The following SCNN1D variants were observed in gnomAD, a reference collection of about 807,000 sequenced individuals.
SCNN1D encodes sodium channel epithelial 1 subunit delta, also known as epithelial sodium channel subunit delta.
In SCNN1D, 104 loss-of-function variants were observed where a neutral mutation model predicts 87.8. That is an observed-to-expected ratio of 1.18 (90% CI 1.01 to 1.39). The LOEUF (loss-of-function observed/expected upper bound fraction) is 1.39. SCNN1D is among the 40% of genes most tolerant of loss of function. The pLI is 0.00. For missense variants in SCNN1D, 1,324 were observed against 1,093.9 expected, an observed-to-expected ratio of 1.21 and a Z score of -2.97; for synonymous variants, 628 against 481.2, an observed-to-expected ratio of 1.31 and a Z score of -3.99.
intron 9 of SCNN1D, 72 bp downstream of exon 9, chr1:1,287,371 C>T: frequency 6.7e-7 from 1 of 1,495,810 alleles, no homozygotes. Context: ...TGGGGTCCCT[C>T]TGGCTGTATG....
intron 12 of SCNN1D, 23 bp downstream of exon 12, chr1:1,288,060 T>A: frequency 1.0e-6 from 1 of 976,198 alleles, no homozygotes; most frequent in Non-Finnish European, 1.3e-6. Flanking sequence ...TGGCAGGGGG[T>A]GCGGGGGCAG....
chr1:1,287,443 C>T (rs912125438), intron 9 of SCNN1D, 65 bp from the exon 10 acceptor site: 1 of 1,487,786 alleles, frequency 6.7e-7, no homozygotes, highest in Non-Finnish European at 9.0e-7. Flanking sequence ...GCCATGGCCC[C>T]TCAGGCCAGC....
chr1:1,282,687 T>G (rs1173078075), intron 4 of SCNN1D, among the ~76,000 whole-genome samples: 2 of 151,868 alleles, frequency 1.3e-5, no homozygotes, highest in Non-Finnish European at 2.9e-5. Context: ...GGTCGTAGCG[T>G]GTGTGAGGTA....
Position 1,291,729 on chromosome 1 carries a change from C to G in SCNN1D, c.*119C>G. The stretch of plus-strand genomic sequence containing the variant: ...CAGCCCAGGAAGCAGCACACGCGGC[C>G]GTGGGGAGGCAGGCACCGGGCATGT... On this transcript the variant is annotated 3_prime_UTR_variant, in exon 18 of 18. Coordinates refer to ENST00000379116, the MANE Select transcript of SCNN1D (RefSeq NM_001130413.4). The G allele has an allele frequency of 1.4e-6, 1 of 691,832 alleles. No individual in the cohort carries two copies. Among genetic ancestry groups the G allele is most frequent in the South Asian group, 2.7e-5 (1 of 37,240 alleles). 42.9% of individuals were successfully genotyped at this position (691,832 alleles called of 1,614,324 possible).
chr1:1,281,510 C>T lies in SCNN1D; in HGVS notation c.177C>T (p.Pro59=). Residue 59 remains proline (P), a synonymous_variant, in exon 3 of 18, where the codon CCC becomes CCT. Transcript: ENST00000379116. ...TPCTGPARGW[P]RRGGGPCGFT... ...GCACCGGGCCAGCGAGGGGATGGCC[C>T]AGAAGAGGGGGAGGACCATGTGGAT... 1 of 1,534,738 alleles carries T rather than the reference C, an allele frequency of 6.5e-7. No homozygotes were observed.
Position 1,286,169 on chromosome 1 carries a change from G to C in SCNN1D, c.802G>C (p.Gly268Arg). Residue 268 changes from glycine (G) to arginine (R), a missense_variant, in exon 7 of 18, where the codon GGG becomes CGG. Physicochemically the swap from Gly to Arg is moderately radical, Grantham distance 125 (BLOSUM62 -2). Transcript: ENST00000379116. ...GALVALCWQL[G>R]LLFERHWHRP... Reference sequence around the variant, plus strand: ...CCTGGTCGCGCTCTGCTGGCAGCTGGGGCTCCTCTTTGAGCGTCACTGGCA... The same window carrying C: ...CCTGGTCGCGCTCTGCTGGCAGCTGCGGCTCCTCTTTGAGCGTCACTGGCA... 2 of 1,606,778 alleles carry C rather than the reference G, an allele frequency of 1.2e-6. No individual in the cohort carries two copies. The highest frequency in any genetic ancestry group is 1.7e-6 in the Non-Finnish European group (2 of 1,178,974).
At position 1,290,528 on chromosome 1, in the gene SCNN1D, G is replaced by A; in HGVS notation, c.1832G>A (p.Cys611Tyr). Residue 611 changes from cysteine (C) to tyrosine (Y), a missense_variant, in exon 14 of 18, where the codon TGT becomes TAT. Cys to Tyr is a radical substitution (Grantham distance 194). Transcript: ENST00000379116. The stretch of plus-strand genomic sequence containing the variant: ...GACCTGGAGACCCACCGGCTCCCCT[G>A]TACCTCCCGCTGCCCCAGGCCCTGC... ...YQDLETHRLP[C>Y]TSRCPRPCRE... is the part of the protein sequence containing the mutation. The A allele has an allele frequency of 6.2e-7, 1 of 1,612,620 alleles. No homozygotes were observed. The highest frequency in any genetic ancestry group is 1.3e-5 in the African/African-American group (1 of 75,020).
At position 1,291,589 on chromosome 1, in the gene SCNN1D, C is replaced by T. The variant is rs372317801; in HGVS notation, c.2388C>T (p.Pro796=). ...AAGAGAGCTGGGCTGGGCCCCAGCC[C>T]CTTGAGACTCTGGACACCTGAACCA... The part of the protein sequence containing the change: ...SAEESWAGPQ[P]LETLDT Residue 796 remains proline, a synonymous_variant, in exon 18 of 18, where the codon CCC becomes CCT. Transcript: ENST00000379116. The T allele has an allele frequency of 6.5e-7, 1 of 1,546,910 alleles. No individual in the cohort carries two copies. The highest frequency in any genetic ancestry group is 8.7e-7 in the Non-Finnish European group (1 of 1,144,356).
chr1:1,285,940 G>A lies in SCNN1D; in HGVS notation c.573G>A (p.Thr191=), dbSNP rs1324571718. The change falls in exon 7 of 18, where the codon ACG becomes ACA. Residue 191 remains threonine (T), a synonymous_variant. Coordinates refer to ENST00000379116, the MANE Select transcript of SCNN1D (RefSeq NM_001130413.4). Reference sequence around the variant, plus strand: ...TCTGCACACAGGCTGCAGCCCAGACGCCCCCCAGGCCGGGGCCACCATCAG... The same window carrying A: ...TCTGCACACAGGCTGCAGCCCAGACACCCCCCAGGCCGGGGCCACCATCAG... The part of the protein sequence containing the change: ...ACKQGQAAAQ[T]PPRPGPPSAP... The A allele has an allele frequency of 2.1e-5, 33 of 1,548,040 alleles. No homozygotes were observed. The African/African-American group carries it at 2.9e-4, about 13-fold the overall frequency.
chr1:1,291,307 C>CTCCG lies in SCNN1D; in HGVS notation c.2110_2113dup (p.Leu705ArgfsTer62). The stretch of plus-strand genomic sequence containing the variant: ...GCCTCTGCAGCCTGTGGTTTGGGGC[C>CTCCG]TCCGTCCTCTCCCTCCTGGAGCTCC... On this transcript the variant is annotated frameshift_variant, in exon 18 of 18. Coordinates refer to ENST00000379116, the MANE Select transcript of SCNN1D (RefSeq NM_001130413.4). LOFTEE classifies it low-confidence loss of function (END_TRUNC). 6.3e-7 allele frequency: 1 copy of CTCCG among 1,585,782 alleles called. No individual in the cohort carries two copies. The highest frequency in any genetic ancestry group is 1.3e-5 in the African/African-American group (1 of 74,292).
Position 1,286,227 on chromosome 1 carries a change from C to A in SCNN1D, c.860C>A (p.Ser287Ter). 6.3e-7 allele frequency: 1 copy of A among 1,597,376 alleles called. No individual in the cohort carries two copies. The highest frequency in any genetic ancestry group is 1.1e-5 in the South Asian group (1 of 89,912). ...GTCCTCATGGCCGTCTCTGTGCACT[C>A]GGAGCGCAAGCTGCTCCCGCTGGTC... Reference protein sequence around the residue: ...RPVLMAVSVHSERKLLPLVTL... With the variant: ...RPVLMAVSVH Residue 287 changes from serine (S) to a stop codon, truncating the protein, a stop_gained, in exon 7 of 18, where the codon TCG (serine) becomes TAG (stop). Coordinates refer to ENST00000379116, the MANE Select transcript of SCNN1D (RefSeq NM_001130413.4). LOFTEE classifies it high-confidence loss of function.
At chr1:1,283,953 C>T (rs752613254) in intron 4 of SCNN1D, 25 bp from the exon 5 acceptor site, 49 of 1,395,968 alleles carry the variant, frequency 3.5e-5, no homozygotes, top group African/African-American at 1.5e-4. Flanking sequence ...CACAGTCCCA[C>T]GCCCAGCCAG....
chr1:1,286,820 A>C lies in SCNN1D; in HGVS notation c.964A>C (p.Asn322His). The change falls in exon 8 of 18, where the codon AAC (asparagine) becomes CAC (histidine). Residue 322 changes from asparagine (N) to histidine (H), a missense_variant. Transcript: ENST00000379116. ...LELLDEFARE[N>H]IDSLYNVNLS... is the part of the protein sequence containing the mutation. The stretch of plus-strand genomic sequence containing the variant: ...GCTGCTGGACGAGTTTGCCAGGGAG[A>C]ACATTGACTCCCTGTACAACGTCAA... 6.2e-7 allele frequency: 1 copy of C among 1,612,566 alleles called. No individual in the cohort carries two copies.
Position 1,291,371 on chromosome 1 carries a change from C to G in SCNN1D, c.2170C>G (p.Leu724Val). The change falls in exon 18 of 18, where the codon CTA becomes GTA. Residue 724 changes from leucine (L) to valine (V), a missense_variant. Coordinates refer to ENST00000379116, the MANE Select transcript of SCNN1D (RefSeq NM_001130413.4). ...LLDASALTLV[L>V]GGRRLRRAWF... ...CGATGCTTCTGCCCTCACCCTGGTG[C>G]TAGGCGGCCGCCGGCTCCGCAGGGC... 1 of 1,608,928 alleles carries G rather than the reference C, an allele frequency of 6.2e-7. No individual in the cohort carries two copies. Among genetic ancestry groups the G allele is most frequent in the Non-Finnish European group, 8.5e-7 (1 of 1,178,750 alleles).
rs1441124553 is a variant in SCNN1D at position 1,285,604 on chromosome 1, C to A, written c.498C>A (p.Cys166Ter). The A allele has an allele frequency of 6.5e-7, 1 of 1,545,390 alleles. No individual in the cohort carries two copies. Among genetic ancestry groups the A allele is most frequent in the East Asian group, 2.4e-5 (1 of 40,822 alleles). ...GGCCTGTGGCTCCCCAGAGGCCCTGCCACCTGAAGGGATGGCAGCACAGAC... is the reference window on the plus strand; with the variant it reads ...GGCCTGTGGCTCCCCAGAGGCCCTGACACCTGAAGGGATGGCAGCACAGAC... Reference protein sequence around the residue: ...SPGPVAPQRPCHLKGWQHRPT... With the variant: ...SPGPVAPQRP Residue 166 changes from cysteine to a stop codon, truncating the protein, a stop_gained, in exon 6 of 18, where the codon TGC becomes TGA. Coordinates refer to ENST00000379116, the MANE Select transcript of SCNN1D (RefSeq NM_001130413.4). LOFTEE classifies it high-confidence loss of function.
chr1:1,288,662 G>A (rs1269767690), intron 12 of SCNN1D, among the ~76,000 whole-genome samples: 13 of 100,632 alleles, frequency 1.3e-4, no homozygotes, highest in African/African-American at 4.7e-4. Context: ...TCTCTGCTCC[G>A]TCCCGTGTCT....
In SCNN1D at chr1:1,291,755, C is replaced by T. The variant is rs895899851; in HGVS notation, c.*145C>T. The T allele has an allele frequency of 1.5e-5, 9 of 581,432 alleles. No homozygotes were observed. Among genetic ancestry groups the T allele is most frequent in the Non-Finnish European group, 2.3e-5 (8 of 352,530 alleles). The allele number at this position is 581,432 out of a possible 1,614,324, so 36.0% of individuals were successfully genotyped here. A position where few individuals can be genotyped will look rare whatever the true frequency, so the allele number is the denominator to read the frequency against. ...GTGGGGAGGCAGGCACCGGGCATGT[C>T]GGCGCCTCTGGTCAAACCACCTACA... On this transcript the variant is annotated 3_prime_UTR_variant, in exon 18 of 18. Coordinates refer to ENST00000379116, the MANE Select transcript of SCNN1D (RefSeq NM_001130413.4).
At position 1,290,970 on chromosome 1, in the gene SCNN1D, C is replaced by A; in HGVS notation, c.1976+17C>A. 1 of 1,601,274 alleles carries A rather than the reference C, an allele frequency of 6.2e-7. No homozygotes were observed. ...CAGACAGAGGTGGGTGCACCCTCCC[C>A]CTCCAGAGAGGCATCACAGCCCCTC... is the stretch of plus-strand genomic sequence containing the variant. On this transcript the variant is annotated intron_variant, in intron 16 of 17. Transcript: ENST00000379116.
rs777919457 is a variant in SCNN1D, at chr1:1,285,965, GCAC to G, written c.612_614del (p.Pro205del). 1.7e-5 allele frequency: 27 copies of G among 1,559,754 alleles called. No homozygotes were observed. The highest frequency in any genetic ancestry group is 5.5e-5 in the Admixed American group (3 of 54,672). Reference sequence around the variant, plus strand: ...GCCCCCCAGGCCGGGGCCACCATCAGCACCACCACCACCACCCAAGGAGGGGCA... The same window carrying G: ...GCCCCCCAGGCCGGGGCCACCATCAGCACCACCACCACCCAAGGAGGGGCA... On this transcript the variant is annotated inframe_deletion, in exon 7 of 18. Coordinates refer to ENST00000379116, the MANE Select transcript of SCNN1D (RefSeq NM_001130413.4).
Sources: gnomAD v4.1 joint callset for allele counts (sites outside exome capture counted in the v4.1 genomes callset) on GRCh38, gnomAD v4.1.1 for gene constraint, MANE v1.5 for transcripts, NCBI Gene and HGNC (gene_info 2026-07-23, HGNC 2026-07-21) for gene names.